GRIK2: variants seen among roughly 807,000 people sequenced by gnomAD.
GRIK2 encodes the protein glutamate receptor ionotropic, kainate 2.
GRIK2 carries 32 observed loss-of-function variants against 100.3 expected under a neutral mutation model. The observed-to-expected ratio is 0.32, with a 90% CI of 0.24 to 0.43. The LOEUF (loss-of-function observed/expected upper bound fraction) is 0.43, where lower values mean the gene tolerates loss of function less well. Among genes scored for constraint, GRIK2 ranks in the 20% least tolerant of loss-of-function variants. The pLI, the probability that GRIK2 is intolerant of heterozygous loss-of-function variation, is 1.00. For missense variants in GRIK2, 843 were observed against 1,114.9 expected, an observed-to-expected ratio of 0.76 and a Z score of 3.47; for synonymous variants, 417 against 389.4, an observed-to-expected ratio of 1.07 and a Z score of -0.83.
chr6:101,994,278 T>C (rs1030328152), intron 14 of GRIK2, among the ~76,000 whole-genome samples: 2 of 151,420 alleles, frequency 1.3e-5, no homozygotes, highest in Admixed American at 1.3e-4. Flanking sequence ...TTTAACTACA[T>C]TTCTAGCCTC....
At chr6:101,569,911 A>T (rs1384061293) in intron 2 of GRIK2, among the ~76,000 whole-genome samples, 1 of 152,146 alleles carries the variant, frequency 6.6e-6, no homozygotes, top group East Asian at 1.9e-4. Context: ...TTCTTAAATA[A>T]ATAGTACATT....
intron 11 of GRIK2, among the ~76,000 whole-genome samples, chr6:101,878,342 G>GT (rs34069545): frequency 0.79 from 117,588 of 149,250 alleles, 46,642 homozygotes; most frequent in East Asian, 0.92. Context: ...AAAGTGTCAA[G>GT]TTTTTTTTTC....
chr6:102,065,930 T>C (rs768980047), intron 16 of GRIK2: 5 of 1,383,648 alleles, frequency 3.6e-6, no homozygotes, highest in Non-Finnish European at 4.7e-6. Context: ...CATCTAATAG[T>C]AGGTATTAAG....
chr6:101,863,953 A>C (rs558068008), intron 11 of GRIK2, among the ~76,000 whole-genome samples: 7 of 151,422 alleles, frequency 4.6e-5, no homozygotes, highest in South Asian at 4.2e-4. Context: ...CTGGCTAACA[A>C]GGTGAAACCC....
chr6:101,922,015 CAA>C (rs1789553494), intron 12 of GRIK2, among the ~76,000 whole-genome samples: 1 of 151,810 alleles, frequency 6.6e-6, no homozygotes, highest in African/African-American at 2.4e-5. Flanking sequence ...ATAAATTATA[CAA>C]GAGACTTCCT....
At chr6:101,751,505 AACCAAAAT>A (rs1277140786) in intron 7 of GRIK2, among the ~76,000 whole-genome samples, 1 of 152,196 alleles carries the variant, frequency 6.6e-6, no homozygotes, top group African/African-American at 2.4e-5. Flanking sequence ...AACCATATAT[AACCAAAAT>A]ACCAGAATAC....
At chr6:101,809,650 G>A (rs552340078) in intron 9 of GRIK2, among the ~76,000 whole-genome samples, 25 of 152,088 alleles carry the variant, frequency 1.6e-4, no homozygotes, top group African/African-American at 5.3e-4. Flanking sequence ...CTTCCTCTAC[G>A]AAAGCAATTT....
At chr6:101,749,086 CAAAG>C (rs1285330540) in intron 7 of GRIK2, among the ~76,000 whole-genome samples, 1 of 152,012 alleles carries the variant, frequency 6.6e-6, no homozygotes, top group Non-Finnish European at 1.5e-5. Flanking sequence ...TTACACTTAA[CAAAG>C]GAAGTATTAT....
At chr6:102,001,178 CTTCTTT>C (rs1794918964) in intron 14 of GRIK2, among the ~76,000 whole-genome samples, 1 of 138,500 alleles carries the variant, frequency 7.2e-6, no homozygotes, top group Non-Finnish European at 1.6e-5. Context: ...AGGCATTCTT[CTTCTTT>C]ATTTTTTTTT....
Position 101,789,338 on chromosome 6 carries a change from G to C in GRIK2, c.952-10310G>C, listed in dbSNP as rs867165861. 4.6e-5 allele frequency among the ~76,000 whole-genome samples: 7 copies of C among 152,242 alleles called. No individual in the cohort carries two copies. The South Asian group carries it at 1.4e-3, about 32-fold the overall frequency. On this transcript the variant is annotated intron_variant, in intron 7 of 16. Coordinates refer to ENST00000369134, the MANE Select transcript of GRIK2 (RefSeq NM_021956.5). Reference sequence around the variant, plus strand: ...TTTCTTTTGGGTTTTTATGGTTTCAGGTCTAACATTTAAGTCTTTAATCCA... The same window carrying C: ...TTTCTTTTGGGTTTTTATGGTTTCACGTCTAACATTTAAGTCTTTAATCCA...
At chr6:101,859,575 CAAAGA>C in intron 11 of GRIK2, 82 bp downstream of exon 11, 1 of 768,254 alleles carries the variant, frequency 1.3e-6, no homozygotes, top group Non-Finnish European at 2.3e-6. Flanking sequence ...GAAATAACTA[CAAAGA>C]GTAGTGATAT....
At chr6:101,900,140 G>A (rs1005054981) in intron 12 of GRIK2, among the ~76,000 whole-genome samples, 4 of 152,080 alleles carry the variant, frequency 2.6e-5, no homozygotes, top group African/African-American at 9.7e-5. Flanking sequence ...TAAAAATAAT[G>A]TTTTAAATCA....
At chr6:101,697,940 T>A (rs1324796910) in intron 7 of GRIK2, among the ~76,000 whole-genome samples, 1 of 152,110 alleles carries the variant, frequency 6.6e-6, no homozygotes, top group Non-Finnish European at 1.5e-5. Flanking sequence ...ATAAATGCCC[T>A]TTCTTCACTT....
intron 7 of GRIK2, among the ~76,000 whole-genome samples, chr6:101,733,716 T>C (rs1332756579): frequency 2.9e-5 from 4 of 136,976 alleles, no homozygotes; most frequent in East Asian, 4.0e-4. Flanking sequence ...TTCTTTTTTT[T>C]TTTTTTTTTT....
chr6:101,789,538 G>A (rs2128406870), intron 7 of GRIK2, among the ~76,000 whole-genome samples: 1 of 152,100 alleles, frequency 6.6e-6, no homozygotes, highest in East Asian at 1.9e-4. Flanking sequence ...TTATTTCTGA[G>A]GGCTCTGTTC....
chr6:101,750,121 G>A (rs1311036115), intron 7 of GRIK2, among the ~76,000 whole-genome samples: 1 of 151,998 alleles, frequency 6.6e-6, no homozygotes, highest in East Asian at 1.9e-4. Flanking sequence ...AGCAGTGTGT[G>A]CCAGTTTCTA....
chr6:101,601,431 G>A (rs990257999), intron 2 of GRIK2, among the ~76,000 whole-genome samples: 4 of 151,922 alleles, frequency 2.6e-5, no homozygotes, highest in African/African-American at 9.7e-5. Context: ...TTTGGTAGCA[G>A]AATGATGCTG....
At chr6:101,528,811 CT>C (rs766093768) in intron 2 of GRIK2, among the ~76,000 whole-genome samples, 24 of 152,220 alleles carry the variant, frequency 1.6e-4, no homozygotes, top group South Asian at 6.2e-4. Context: ...TCATTTTGTC[CT>C]TTTCCTCCAT....
chr6:101,583,058 A>G (rs913017531), intron 2 of GRIK2, among the ~76,000 whole-genome samples: 4 of 152,154 alleles, frequency 2.6e-5, no homozygotes, highest in Non-Finnish European at 5.9e-5. Flanking sequence ...GGGAGGCATA[A>G]CAGAGAAAGG....
Sources: allele counts gnomAD v4.1 joint callset (sites outside exome capture counted in the v4.1 genomes callset), GRCh38; gene constraint gnomAD v4.1.1; transcripts MANE v1.5; gene names NCBI Gene and HGNC (gene_info 2026-07-23, HGNC 2026-07-21).